Variants in RBFOX3 observed in about 807,000 individuals in gnomAD.
RBFOX3 encodes the protein RNA binding fox-1 homolog 3.
Under a neutral mutation model 48.7 loss-of-function variants are expected in RBFOX3, and 17 were observed. The ratio of observed to expected loss-of-function variants is 0.35; its 90% CI spans 0.24 to 0.52. The LOEUF (loss-of-function observed/expected upper bound fraction) is 0.52. Ranked by LOEUF, RBFOX3 falls within the 20% of genes least tolerant of loss-of-function variation. The pLI, the probability that RBFOX3 is intolerant of heterozygous loss-of-function variation, is 0.94. For missense variants in RBFOX3, 382 were observed against 497.5 expected, an observed-to-expected ratio of 0.77 and a Z score of 2.21; for synonymous variants, 212 against 209.5, an observed-to-expected ratio of 1.01 and a Z score of -0.10.
chr17:79,335,771 C>T (rs2081096732), intron 2 of RBFOX3, among the ~76,000 whole-genome samples: 2 of 152,198 alleles, frequency 1.3e-5, no homozygotes, highest in Admixed American at 6.5e-5. Flanking sequence ...CCCGTCCTCT[C>T]GTCCTCCACA....
intron 1 of RBFOX3, among the ~76,000 whole-genome samples, chr17:79,487,805 G>A (rs1335311818): frequency 6.6e-6 from 1 of 151,356 alleles, no homozygotes; most frequent in Non-Finnish European, 1.5e-5. Context: ...CAGCTGCTTG[G>A]AGAGGCTGAG....
intron 2 of RBFOX3, among the ~76,000 whole-genome samples, chr17:79,460,198 T>C (rs1555747890): frequency 6.6e-6 from 1 of 152,176 alleles, no homozygotes; most frequent in Non-Finnish European, 1.5e-5. Flanking sequence ...CACAATATTC[T>C]CAATGTACTG....
At chr17:79,129,724 C>T (rs1385973827) in intron 4 of RBFOX3, among the ~76,000 whole-genome samples, 2 of 152,232 alleles carry the variant, frequency 1.3e-5, no homozygotes, top group Non-Finnish European at 1.5e-5. Flanking sequence ...GAAAAGACTG[C>T]TTGTGGCGTT....
At position 79,410,206 on chromosome 17, in the gene RBFOX3, C is replaced by T. The variant is rs181464330; in HGVS notation, c.-175+72248G>A. On this transcript the variant is annotated intron_variant, in intron 2 of 14. Transcript: ENST00000693108. Reference sequence around the variant, plus strand: ...TCCTGGCCGCCTGGCTGCCTTGGGCCAAGGGAGTGTCTCTTGTGGACGGTC... The same window carrying T: ...TCCTGGCCGCCTGGCTGCCTTGGGCTAAGGGAGTGTCTCTTGTGGACGGTC... 1.6e-4 allele frequency among the ~76,000 whole-genome samples: 24 copies of T among 152,332 alleles called. No homozygotes were observed. In the East Asian group the frequency reaches 2.5e-3, roughly 16 times the overall value.
At chr17:79,218,979 C>T (rs921932423) in intron 4 of RBFOX3, among the ~76,000 whole-genome samples, 14 of 152,228 alleles carry the variant, frequency 9.2e-5, no homozygotes, top group African/African-American at 2.7e-4. Context: ...CCCTTCTCCA[C>T]GGCTGCCATG....
intron 9 of RBFOX3, among the ~76,000 whole-genome samples, chr17:79,100,621 C>T (rs2076252498): frequency 6.6e-6 from 1 of 152,178 alleles, no homozygotes. Flanking sequence ...GGGGGTGACA[C>T]CGTCTGAAAG....
intron 4 of RBFOX3, among the ~76,000 whole-genome samples, chr17:79,182,289 G>C (rs535708647): frequency 6.6e-6 from 1 of 152,204 alleles, no homozygotes; most frequent in South Asian, 2.1e-4. Context: ...AGCAGAGGGT[G>C]AGGGTGGGAA....
chr17:79,232,850 T>C (rs1342962435), intron 4 of RBFOX3, among the ~76,000 whole-genome samples: 1 of 152,216 alleles, frequency 6.6e-6, no homozygotes, highest in Non-Finnish European at 1.5e-5. Flanking sequence ...GCTAAAGTTA[T>C]GAAGACTGAC....
At chr17:79,140,034 C>T (rs1049281951) in intron 4 of RBFOX3, among the ~76,000 whole-genome samples, 16 of 152,366 alleles carry the variant, frequency 1.1e-4, no homozygotes, top group African/African-American at 3.6e-4. Flanking sequence ...CCTGGTCCCG[C>T]GGCCCTGCCA....
intron 2 of RBFOX3, among the ~76,000 whole-genome samples, chr17:79,367,573 C>T (rs2147485627): frequency 6.6e-6 from 1 of 152,204 alleles, no homozygotes; most frequent in African/African-American, 2.4e-5. Flanking sequence ...TCCGCTTTCC[C>T]TGGTTTTAAG....
chr17:79,373,910 G>A (rs2058886749), intron 2 of RBFOX3, among the ~76,000 whole-genome samples: 1 of 152,172 alleles, frequency 6.6e-6, no homozygotes, highest in Non-Finnish European at 1.5e-5. Flanking sequence ...CCAGGCTGGT[G>A]TGCAGTGGCG....
chr17:79,432,022 G>C (rs1555728693), intron 2 of RBFOX3, among the ~76,000 whole-genome samples: 2 of 152,190 alleles, frequency 1.3e-5, no homozygotes, highest in African/African-American at 4.8e-5. Flanking sequence ...AACCATTCTA[G>C]GGACCTCATC....
At chr17:79,371,651 G>A (rs1254337806) in intron 2 of RBFOX3, among the ~76,000 whole-genome samples, 2 of 152,188 alleles carry the variant, frequency 1.3e-5, no homozygotes, top group Non-Finnish European at 2.9e-5. Context: ...GTGGTGGGGG[G>A]ACACGTGTCA....
intron 1 of RBFOX3, among the ~76,000 whole-genome samples, chr17:79,564,950 A>G (rs2092397485): frequency 6.6e-6 from 1 of 151,590 alleles, no homozygotes; most frequent in Non-Finnish European, 1.5e-5. Flanking sequence ...CTGAGGCAGG[A>G]GAATTGCTTG....
chr17:79,630,114 T>C, the RBFOX3 span, among the ~76,000 whole-genome samples: 3 of 152,154 alleles, frequency 2.0e-5, no homozygotes, highest in East Asian at 5.8e-4. Flanking sequence ...ATGGATCCAG[T>C]TTCTCCCCCA....
intron 3 of RBFOX3, among the ~76,000 whole-genome samples, chr17:79,255,869 G>A (rs975328332): frequency 1.5e-4 from 22 of 151,252 alleles, no homozygotes; most frequent in East Asian, 7.9e-4. Context: ...GGACTGAATC[G>A]ACACCACTTC....
chr17:79,308,827 T>C (rs555252834), intron 2 of RBFOX3, among the ~76,000 whole-genome samples: 2 of 141,176 alleles, frequency 1.4e-5, no homozygotes, highest in South Asian at 4.8e-4. Context: ...TAAGAAGTAA[T>C]TGTTTGTTGG....
At chr17:79,432,489 T>C (rs1217623613) in intron 2 of RBFOX3, among the ~76,000 whole-genome samples, 3 of 152,260 alleles carry the variant, frequency 2.0e-5, no homozygotes, top group African/African-American at 7.2e-5. Flanking sequence ...TGGAAACACG[T>C]GTTCACTTCC....
chr17:79,126,596 C>G (rs2037367843), intron 4 of RBFOX3, among the ~76,000 whole-genome samples: 1 of 152,122 alleles, frequency 6.6e-6, no homozygotes, highest in African/African-American at 2.4e-5. Flanking sequence ...GTCTATACAC[C>G]CAAGGGCGTG....
Sources: gnomAD v4.1 joint callset for allele counts (sites outside exome capture counted in the v4.1 genomes callset) on GRCh38, gnomAD v4.1.1 for gene constraint, MANE v1.5 for transcripts, NCBI Gene and HGNC (gene_info 2026-07-23, HGNC 2026-07-21) for gene names.